PCDHA8: variants seen among roughly 807,000 people sequenced by gnomAD.
PCDHA8 encodes protocadherin alpha-8.
In PCDHA8, 53 loss-of-function variants were observed where a neutral mutation model predicts 61.8. The observed-to-expected ratio is 0.86, with a 90% CI of 0.69 to 1.08. PCDHA8 has a LOEUF of 1.08. Ranked by LOEUF, PCDHA8 falls within the 50% of genes least tolerant of loss-of-function variation. The probability of loss-of-function intolerance (pLI) is 0.00; values close to 1 mark genes in which losing one functional copy is unlikely to be tolerated. For synonymous variants in PCDHA8, 618 were observed against 556.6 expected, an observed-to-expected ratio of 1.11 and a Z score of -1.55; for missense variants, 1,293 against 1,245.0, an observed-to-expected ratio of 1.04 and a Z score of -0.58.
chr5:140,995,276 C>T (rs2097674050), intron 3 of PCDHA8, among the ~76,000 whole-genome samples: 4 of 152,030 alleles, frequency 2.6e-5, no homozygotes, highest in Non-Finnish European at 1.5e-5. Flanking sequence ...CCCTTTGATA[C>T]CAAAACAGCC....
intron 1 of PCDHA8, among the ~76,000 whole-genome samples, chr5:140,942,409 TAAA>T (rs78736997): frequency 7.0e-6 from 1 of 143,620 alleles, no homozygotes; most frequent in Non-Finnish European, 1.5e-5. Context: ...AGACTCTGTT[TAAA>T]AAAAAAAAAG....
At chr5:140,997,566 T>G (rs1366934494) in intron 3 of PCDHA8, among the ~76,000 whole-genome samples, 1 of 152,208 alleles carries the variant, frequency 6.6e-6, no homozygotes, top group Non-Finnish European at 1.5e-5. Context: ...AACTGTCATA[T>G]GTGTGGTCCG....
chr5:140,973,493 C>T (rs1050229284), intron 1 of PCDHA8, among the ~76,000 whole-genome samples: 1 of 152,116 alleles, frequency 6.6e-6, no homozygotes, highest in African/African-American at 2.4e-5. Context: ...TCACAGGACT[C>T]TTCTTCTGAG....
At chr5:140,918,046 G>A (rs1159911161) in intron 1 of PCDHA8, among the ~76,000 whole-genome samples, 2 of 152,006 alleles carry the variant, frequency 1.3e-5, no homozygotes, top group African/African-American at 4.8e-5. Flanking sequence ...CTTTCCATTT[G>A]TTTTATCATC....
intron 1 of PCDHA8, among the ~76,000 whole-genome samples, chr5:140,941,202 C>CTTTCCTTCTTT (rs1554213921): frequency 8.1e-6 from 1 of 122,742 alleles, no homozygotes; most frequent in Non-Finnish European, 1.8e-5. Flanking sequence ...TTTCTTTCTT[C>CTTTCCTTCTTT]CTTTCTTTCT....
intron 1 of PCDHA8, among the ~76,000 whole-genome samples, chr5:140,936,136 G>A (rs1393112473): frequency 2.0e-5 from 3 of 152,184 alleles, no homozygotes; most frequent in Admixed American, 1.3e-4. Context: ...TAAGTGATCT[G>A]CCCGCCTTGG....
intron 1 of PCDHA8, chr5:140,854,178 A>AAAAATT: frequency 1.9e-6 from 1 of 531,180 alleles, no homozygotes; most frequent in Non-Finnish European, 2.4e-6. Flanking sequence ...AAAAAAAAAG[A>AAAAATT]GTAGTTTAAC....
In PCDHA8 at chr5:140,852,554, C is replaced by T. The variant is rs2150518333; in HGVS notation, c.2394+8839C>T. On this transcript the variant is annotated intron_variant, in intron 1 of 3. Coordinates refer to ENST00000531613, the MANE Select transcript of PCDHA8 (RefSeq NM_018911.3). ...GCCTCCCAAAGTGCTGGGATTAAAG[C>T]TGTGAGCCACTGTGCCAAGGCTTTT... The T allele has an allele frequency of 2.3e-3, 1,476 of 640,248 alleles. 60 individuals are homozygous for T. The highest frequency in any genetic ancestry group is 1.6e-3 in the Non-Finnish European group (826 of 501,678). 39.7% of individuals were successfully genotyped at this position (640,248 alleles called of 1,614,324 possible).
At chr5:141,008,367 G>A (rs2098373101) in intron 3 of PCDHA8, among the ~76,000 whole-genome samples, 1 of 152,144 alleles carries the variant, frequency 6.6e-6, no homozygotes, top group African/African-American at 2.4e-5. Flanking sequence ...AAGGAGCAGT[G>A]TTAGATACAT....
chr5:140,908,430 C>T (rs543426512), intron 1 of PCDHA8, among the ~76,000 whole-genome samples: 56 of 152,262 alleles, frequency 3.7e-4, no homozygotes, highest in Admixed American at 7.2e-4. Flanking sequence ...TGCTGCTGTG[C>T]GCACCCCACT....
At chr5:140,881,931 G>T in intron 1 of PCDHA8, 1 of 276,824 alleles carries the variant, frequency 3.6e-6, no homozygotes, top group South Asian at 8.8e-5. Flanking sequence ...GCAGTGATTT[G>T]CTGTTTCTGG....
In PCDHA8 at chr5:140,870,516, C is replaced by A. The variant is rs568100247; in HGVS notation, c.2394+26801C>A. The A allele has an allele frequency of 2.2e-4, 361 of 1,614,240 alleles. 3 individuals carry two copies. In the South Asian group the frequency reaches 3.8e-3, roughly 17 times the overall value. ...TGAAGGAGAACAACCCACCAGGCTG[C>A]CACATCTTCACAGTGTCGGCGCGGG... is the stretch of plus-strand genomic sequence containing the variant. On this transcript the variant is annotated intron_variant, in intron 1 of 3. Coordinates refer to ENST00000531613, the MANE Select transcript of PCDHA8 (RefSeq NM_018911.3).
rs563698448 is a variant in PCDHA8 at position 140,899,116 on chromosome 5, T to G, written c.2394+55401T>G. On this transcript the variant is annotated intron_variant, in intron 1 of 3. Transcript: ENST00000531613. ...CTGAGATAATGGGGTTTTCTAGATA[T>G]ACAATCATGTCTTCTGCAAACAGGG... 5.8e-3 allele frequency among the ~76,000 whole-genome samples: 880 copies of G among 152,244 alleles called. 11 individuals are homozygous for G. Among genetic ancestry groups the G allele is most frequent in the African/African-American group, 0.019 (802 of 41,486 alleles).
intron 1 of PCDHA8, chr5:140,966,970 G>A (rs1554228990): frequency 6.2e-7 from 1 of 1,602,870 alleles, no homozygotes; most frequent in Admixed American, 1.7e-5. Flanking sequence ...TGGGGCTTGA[G>A]CTGCGGCGCT....
intron 1 of PCDHA8, chr5:140,869,228 G>A (rs782726206): frequency 6.2e-7 from 1 of 1,613,764 alleles, no homozygotes; most frequent in Non-Finnish European, 8.5e-7. Context: ...GCCAAACACG[G>A]CACCTTCGTG....
At chr5:140,859,972 C>A (rs949834053) in intron 1 of PCDHA8, 1 of 151,842 alleles carries the variant, frequency 6.6e-6, no homozygotes, top group South Asian at 2.1e-4. Flanking sequence ...CTCAGGTATA[C>A]AAGTGCATTA....
chr5:141,010,403 G>T lies in PCDHA8; in HGVS notation c.*466G>T. ...ATATTGGCTGAGACGAGCCAGCTTA[G>T]ACTAATTGGTACAAGGAAGGCAAGA... On this transcript the variant is annotated 3_prime_UTR_variant, in exon 4 of 4. Transcript: ENST00000531613. 2 of 1,285,614 alleles carry T rather than the reference G, an allele frequency of 1.6e-6. No individual in the cohort carries two copies. Among genetic ancestry groups the T allele is most frequent in the Non-Finnish European group, 2.1e-6 (2 of 956,000 alleles). The allele number at this position is 1,285,614 out of a possible 1,614,324, so 79.6% of individuals were successfully genotyped here. A position where few individuals can be genotyped will look rare whatever the true frequency, so the allele number is the denominator to read the frequency against.
intron 1 of PCDHA8, chr5:140,858,217 G>A: frequency 1.3e-6 from 2 of 1,595,954 alleles, no homozygotes; most frequent in Non-Finnish European, 1.7e-6. Flanking sequence ...GGTGCTCGGC[G>A]GCGCCCACCG....
chr5:140,844,668 T>C lies in PCDHA8; in HGVS notation c.2394+953T>C, dbSNP rs2150373115. Among the ~76,000 whole-genome samples, 20 of 149,718 alleles carry C rather than the reference T, an allele frequency of 1.3e-4. 1 individual carries two copies. The highest frequency in any genetic ancestry group is 4.9e-4 in the African/African-American group (20 of 40,994). On this transcript the variant is annotated intron_variant, in intron 1 of 3. Transcript: ENST00000531613. ...TCATTCTTGCAAACCAAACATATAA[T>C]TTATAAATCCTTATTATACAGAATA... is the stretch of plus-strand genomic sequence containing the variant.
Sources: gnomAD v4.1 joint callset for allele counts (sites outside exome capture counted in the v4.1 genomes callset) on GRCh38, gnomAD v4.1.1 for gene constraint, MANE v1.5 for transcripts, NCBI Gene and HGNC (gene_info 2026-07-23, HGNC 2026-07-21) for gene names.